ZNF517: variants seen among roughly 807,000 people sequenced by gnomAD.
The protein encoded by ZNF517 is zinc finger protein 517.
A neutral mutation model predicts 12.1 loss-of-function variants in ZNF517; 12 were observed. The ratio of observed to expected loss-of-function variants is 0.99; its 90% CI spans 0.63 to 1.61. The LOEUF (loss-of-function observed/expected upper bound fraction) is 1.61, where lower values mean the gene tolerates loss of function less well. ZNF517 is among the 40% of genes most tolerant of loss of function. The pLI, the probability that ZNF517 is intolerant of heterozygous loss-of-function variation, is 0.00. For missense variants in ZNF517, 781 were observed against 693.2 expected (o/e 1.13, Z -1.42); for synonymous variants, 388 against 310.2 (o/e 1.25, Z -2.63).
Position 144,807,325 on chromosome 8 carries a change from C to G in ZNF517, c.409C>G (p.Pro137Ala), listed in dbSNP as rs776295218. 4 of 1,552,284 alleles carry G rather than the reference C, an allele frequency of 2.6e-6. No homozygotes were observed. Among genetic ancestry groups the G allele is most frequent in the Non-Finnish European group, 3.5e-6 (4 of 1,147,426 alleles). ...PVGGHPAPPHPHGGPEDGSDK... is the reference protein window; with the variant it reads ...PVGGHPAPPHAHGGPEDGSDK... ...GGGGGGGCACCCTGCACCACCCCAC[C>G]CGCATGGCGGTCCTGAGGACGGGTC... is the stretch of plus-strand genomic sequence containing the variant. The change falls in exon 5 of 5, where the codon CCG becomes GCG. Residue 137 changes from proline to alanine, a missense_variant. Transcript: ENST00000359971.
At position 144,807,644 on chromosome 8, in the gene ZNF517, G is replaced by C. The variant is rs1397368974; in HGVS notation, c.728G>C (p.Arg243Pro). ...FQCGECGKAF[R>P]QSTQLAAHHR... ...TGCGGCGAGTGCGGGAAGGCCTTCC[G>C]GCAGAGCACGCAGCTGGCTGCCCAC... Residue 243 changes from arginine to proline, a missense_variant, in exon 5 of 5, where the codon CGG (arginine) becomes CCG (proline). Physicochemically the swap from Arg to Pro is moderately radical, Grantham distance 103. Coordinates refer to ENST00000359971, the MANE Select transcript of ZNF517 (RefSeq NM_213605.3). The C allele has an allele frequency of 4.3e-6, 7 of 1,609,954 alleles. No homozygotes were observed. The highest frequency in any genetic ancestry group is 5.9e-6 in the Non-Finnish European group (7 of 1,179,260).
chr8:144,803,878 G>A, intron 3 of ZNF517, 111 bp downstream of exon 3: 1 of 1,457,260 alleles, frequency 6.9e-7, no homozygotes, highest in Non-Finnish European at 9.3e-7. Context: ...AGGGGAAGCT[G>A]GAGGCTCCCC....
chr8:144,799,295 C>T (rs966582113), intron 1 of ZNF517, among the ~76,000 whole-genome samples: 5 of 152,198 alleles, frequency 3.3e-5, no homozygotes, highest in Admixed American at 2.0e-4. Context: ...GGGCTCTTCC[C>T]GGCAGCCTCG....
At position 144,809,000 on chromosome 8, in the gene ZNF517, A is replaced by G. The variant is rs1040085072; in HGVS notation, c.*605A>G. ...CAAAAAATTTAAAAATAAGTCAGGT[A>G]TCGTGGTCTGTGCCTGTACGCTGTA... On this transcript the variant is annotated 3_prime_UTR_variant, in exon 5 of 5. Transcript: ENST00000359971. 5.3e-5 allele frequency: 8 copies of G among 151,852 alleles called. No homozygotes were observed. Among genetic ancestry groups the G allele is most frequent in the African/African-American group, 1.9e-4 (8 of 41,348 alleles). The allele number at this position is 151,852 out of a possible 1,614,324, so 9.4% of individuals were successfully genotyped here. A position where few individuals can be genotyped will look rare whatever the true frequency, so the allele number is the denominator to read the frequency against.
At chr8:144,810,211 C>T, downstream of ZNF517, 3 of 696,452 alleles carry the variant, frequency 4.3e-6, no homozygotes, top group South Asian at 3.0e-5. Context: ...GGTGGGGGTG[C>T]TGCATCCTCT....
intron 1 of ZNF517, among the ~76,000 whole-genome samples, chr8:144,799,736 C>A (rs143886405): frequency 6.6e-6 from 1 of 151,990 alleles, no homozygotes; most frequent in Non-Finnish European, 1.5e-5. Flanking sequence ...GTCAGGAGAT[C>A]GAGACCATCC....
At position 144,808,595 on chromosome 8, in the gene ZNF517, A is replaced by C; in HGVS notation, c.*200A>C. On this transcript the variant is annotated 3_prime_UTR_variant, in exon 5 of 5. Transcript: ENST00000359971. ...ACCAGGCAGCCCGTGGTGTGGCCTC[A>C]GGAACCACTATCAGCCACCATTTCC... 1.5e-6 allele frequency: 1 copy of C among 659,512 alleles called. No homozygotes were observed. The highest frequency in any genetic ancestry group is 2.2e-6 in the Non-Finnish European group (1 of 451,812). 40.9% of individuals were successfully genotyped at this position (659,512 alleles called of 1,614,324 possible). A position where few individuals can be genotyped will look rare whatever the true frequency, so the allele number is the denominator to read the frequency against.
At chr8:144,804,699 C>T (rs10089228) in intron 4 of ZNF517, among the ~76,000 whole-genome samples, 54,071 of 151,754 alleles carry the variant, frequency 0.36, 9,807 homozygotes, top group South Asian at 0.46. Context: ...GGATACAAGG[C>T]GAAAGGGGCA....
chr8:144,807,184 C>G lies in ZNF517; in HGVS notation c.275-7C>G, dbSNP rs1796815818. The G allele has an allele frequency of 6.6e-7, 1 of 1,516,856 alleles. No homozygotes were observed. Among genetic ancestry groups the G allele is most frequent in the South Asian group, 1.3e-5 (1 of 75,774 alleles). 94.0% of individuals were successfully genotyped at this position (1,516,856 alleles called of 1,614,324 possible). On this transcript the variant is annotated splice_polypyrimidine_tract_variant and splice_region_variant and intron_variant, in intron 4 of 4. Transcript: ENST00000359971. ...ATCATCCTTCCGTTTTCTGTTCCTT[C>G]TCTCAGATTCCAGGATGGAGGCTGG...
intron 3 of ZNF517, 24 bp from the exon 4 acceptor site, chr8:144,804,101 G>C: frequency 6.2e-7 from 1 of 1,610,048 alleles, no homozygotes; most frequent in South Asian, 1.1e-5. Flanking sequence ...ACTGATACGT[G>C]CTGCTTTCCT....
intron 3 of ZNF517, 149 bp downstream of exon 3, chr8:144,803,916 G>A: frequency 8.0e-7 from 1 of 1,254,712 alleles, no homozygotes; most frequent in Non-Finnish European, 1.1e-6. Flanking sequence ...TTCCTGTTGG[G>A]CACCCACTGC....
chr8:144,807,600 T>C lies in ZNF517; in HGVS notation c.684T>C (p.Thr228=), dbSNP rs370377621. The C allele has an allele frequency of 1.2e-5, 20 of 1,605,492 alleles. No individual in the cohort carries two copies. Among genetic ancestry groups the C allele is most frequent in the East Asian group, 2.2e-5 (1 of 44,458 alleles). The change falls in exon 5 of 5, where the codon ACT becomes ACC. Residue 228 remains threonine (T), a synonymous_variant. Transcript: ENST00000359971. ...TGCTGCGGCACCAGCTGATCCACAC[T>C]GAGGAGAAGCCGTTCCAGTGCGGCG... The part of the protein sequence containing the change: ...SILLRHQLIH[T]EEKPFQCGEC...
In ZNF517 at chr8:144,808,538, T is replaced by C; in HGVS notation, c.*143T>C. 1 of 1,214,516 alleles carries C rather than the reference T, an allele frequency of 8.2e-7. No homozygotes were observed. Among genetic ancestry groups the C allele is most frequent in the Non-Finnish European group, 1.1e-6 (1 of 952,018 alleles). 75.2% of individuals were successfully genotyped at this position (1,214,516 alleles called of 1,614,324 possible). A position where few individuals can be genotyped will look rare whatever the true frequency, so the allele number is the denominator to read the frequency against. On this transcript the variant is annotated 3_prime_UTR_variant, in exon 5 of 5. Coordinates refer to ENST00000359971, the MANE Select transcript of ZNF517 (RefSeq NM_213605.3). The stretch of plus-strand genomic sequence containing the variant: ...AGCTCCCATCAGGAGCTCGGCTTCT[T>C]GCTCCAGCCGGGCACTGGGGAGGGA...
At chr8:144,800,551 C>T (rs561328218) in intron 1 of ZNF517, 4 of 985,358 alleles carry the variant, frequency 4.1e-6, no homozygotes, top group East Asian at 1.1e-4. Context: ...CCCTGAGATA[C>T]TCTGGTTGCC....
Position 144,809,175 on chromosome 8 carries a change from C to CTCTATCTA in ZNF517, c.*800_*807dup, listed in dbSNP as rs112936151. The CTCTATCTA allele has an allele frequency of 1.4e-4, 21 of 150,706 alleles. No individual in the cohort carries two copies. The highest frequency in any genetic ancestry group is 3.9e-4 in the East Asian group (2 of 5,080). The allele number at this position is 150,706 out of a possible 1,614,324, so 9.3% of individuals were successfully genotyped here. A position where few individuals can be genotyped will look rare whatever the true frequency, so the allele number is the denominator to read the frequency against. On this transcript the variant is annotated 3_prime_UTR_variant, in exon 5 of 5. Transcript: ENST00000359971. ...AAAAAAGCCTAGATGGCTGGTGGAGCTCTATCTATCTATCTATCTATCTAT... is the reference window on the plus strand; with the variant it reads ...AAAAAAGCCTAGATGGCTGGTGGAGCTCTATCTATCTATCTATCTATCTATCTATCTAT...
At chr8:144,810,108 G>T, downstream of ZNF517, 1 of 637,854 alleles carries the variant, frequency 1.6e-6, no homozygotes, top group Non-Finnish European at 2.9e-6. Context: ...CTCTCTAGAG[G>T]ACCCTAATAC....
At position 144,807,983 on chromosome 8, in the gene ZNF517, G is replaced by A. The variant is rs540301275; in HGVS notation, c.1067G>A (p.Gly356Glu). The change falls in exon 5 of 5, where the codon GGA becomes GAA. Residue 356 changes from glycine to glutamate, a missense_variant. By Grantham distance (98) the Gly-to-Glu change is moderately conservative. Coordinates refer to ENST00000359971, the MANE Select transcript of ZNF517 (RefSeq NM_213605.3). Reference sequence around the variant, plus strand: ...GGCGTGGGGCAGGGCGCCCTGCTCGGAGCTGCGCAGAGGCCCCAGGCGGGG... The same window carrying A: ...GGCGTGGGGCAGGGCGCCCTGCTCGAAGCTGCGCAGAGGCCCCAGGCGGGG... ...DGGVGQGALL[G>E]AAQRPQAGDP... 34 of 1,537,048 alleles carry A rather than the reference G, an allele frequency of 2.2e-5. No homozygotes were observed. In the Admixed American group the frequency reaches 4.9e-4, roughly 22 times the overall value.
chr8:144,807,190 G>T lies in ZNF517; in HGVS notation c.275-1G>T. 1.3e-6 allele frequency: 2 copies of T among 1,518,818 alleles called. No individual in the cohort carries two copies. The highest frequency in any genetic ancestry group is 1.8e-6 in the Non-Finnish European group (2 of 1,135,036). 94.1% of individuals were successfully genotyped at this position (1,518,818 alleles called of 1,614,324 possible). A position where few individuals can be genotyped will look rare whatever the true frequency, so the allele number is the denominator to read the frequency against. ...CTTCCGTTTTCTGTTCCTTCTCTCA[G>T]ATTCCAGGATGGAGGCTGGGATCAT... On this transcript the variant is annotated splice_acceptor_variant, in intron 4 of 4. Transcript: ENST00000359971. LOFTEE classifies it high-confidence loss of function.
rs757508568 is a variant in ZNF517, at chr8:144,807,540, A to C, written c.624A>C (p.Thr208=). The C allele has an allele frequency of 3.1e-5, 50 of 1,597,192 alleles. No homozygotes were observed. In the South Asian group the frequency reaches 5.4e-4, roughly 17 times the overall value. The change falls in exon 5 of 5, where the codon ACA becomes ACC. Residue 208 remains threonine, a synonymous_variant. Coordinates refer to ENST00000359971, the MANE Select transcript of ZNF517 (RefSeq NM_213605.3). ...CCGGCGCCAAGCCCTTCCAGTGCAC[A>C]GAGTGCGGGAAGGCCTTCAAGCAAA... The part of the protein sequence containing the change: ...IHTGAKPFQC[T]ECGKAFKQSS...
Sources: gnomAD v4.1 joint callset for allele counts (sites outside exome capture counted in the v4.1 genomes callset) on GRCh38, gnomAD v4.1.1 for gene constraint, MANE v1.5 for transcripts, NCBI Gene and HGNC (gene_info 2026-07-23, HGNC 2026-07-21) for gene names.